The following ZNF605 variants were observed in gnomAD, a reference collection of about 807,000 sequenced individuals.
ZNF605 encodes zinc finger protein 605.
Under a neutral mutation model 7.9 loss-of-function variants are expected in ZNF605, and 9 were observed. The ratio of observed to expected loss-of-function variants is 1.14; its 90% CI spans 0.68 to 1.98. The LOEUF is 1.98. Ranked by LOEUF, ZNF605 falls within the 30% of genes most tolerant of loss-of-function variation. The pLI, the probability that ZNF605 is intolerant of heterozygous loss-of-function variation, is 0.00. For missense variants in ZNF605, 673 were observed against 762.4 expected (o/e 0.88, Z 1.38); for synonymous variants, 255 against 260.1 (o/e 0.98, Z 0.19).
chr12:132,946,121 C>T (rs1952492317), intron 2 of ZNF605, among the ~76,000 whole-genome samples: 1 of 152,176 alleles, frequency 6.6e-6, no homozygotes, highest in East Asian at 1.9e-4. Context: ...CTAGACTGCT[C>T]AGCACAGACA....
chr12:132,946,891 C>T (rs1324739304), intron 2 of ZNF605, among the ~76,000 whole-genome samples: 2 of 152,352 alleles, frequency 1.3e-5, no homozygotes, highest in South Asian at 2.1e-4. Context: ...GGGGGAGCAG[C>T]TGACACCCCG....
intron 2 of ZNF605, among the ~76,000 whole-genome samples, chr12:132,946,398 G>C (rs902615082): frequency 6.6e-6 from 1 of 152,220 alleles, no homozygotes; most frequent in South Asian, 2.1e-4. Flanking sequence ...GAGCTGAGGC[G>C]TGGGTCTGAG....
intron 3 of ZNF605, among the ~76,000 whole-genome samples, chr12:132,944,632 C>A (rs2137154585): frequency 6.6e-6 from 1 of 152,234 alleles, no homozygotes; most frequent in Admixed American, 6.5e-5. Context: ...CAACCAAGAC[C>A]CCATCTCAGT....
At chr12:132,934,180 G>A (rs1231020009) in intron 3 of ZNF605, among the ~76,000 whole-genome samples, 1 of 152,132 alleles carries the variant, frequency 6.6e-6, no homozygotes, top group Non-Finnish European at 1.5e-5. Flanking sequence ...CAGGGAGGCT[G>A]AGGCAGGAGA....
At chr12:132,955,975 C>A (rs12227098) in intron 1 of ZNF605, among the ~76,000 whole-genome samples, 20,122 of 143,916 alleles carry the variant, frequency 0.14, 2,546 homozygotes, top group East Asian at 0.52. Context: ...ACATTCAGCG[C>A]CCCGCCGCCG....
At chr12:132,932,494 C>T (rs1368429124) in intron 4 of ZNF605, among the ~76,000 whole-genome samples, 2 of 152,148 alleles carry the variant, frequency 1.3e-5, no homozygotes, top group African/African-American at 4.8e-5. Flanking sequence ...AAGAGGGATA[C>T]ATTTCATCAT....
chr12:132,920,374 C>G lies in ZNF605; in HGVS notation c.*4999G>C, dbSNP rs7980504. ...CAGGATGGTCTCGATCTCCTGACCTCGTGATCCACCCGCCTTGGCCTCCCA... is the reference window on the plus strand; with the variant it reads ...CAGGATGGTCTCGATCTCCTGACCTGGTGATCCACCCGCCTTGGCCTCCCA... On this transcript the variant is annotated 3_prime_UTR_variant, in exon 5 of 5. Coordinates refer to ENST00000360187, the MANE Select transcript of ZNF605 (RefSeq NM_183238.4). The G allele has an allele frequency of 6.7e-6, 1 of 150,230 alleles. No individual in the cohort carries two copies. Among genetic ancestry groups the G allele is most frequent in the Non-Finnish European group, 1.5e-5 (1 of 67,528 alleles). The allele number at this position is 150,230 out of a possible 1,614,324, so 9.3% of individuals were successfully genotyped here. A position where few individuals can be genotyped will look rare whatever the true frequency, so the allele number is the denominator to read the frequency against.
intron 1 of ZNF605, among the ~76,000 whole-genome samples, chr12:132,954,100 C>T (rs1164748395): frequency 6.6e-5 from 10 of 151,776 alleles, no homozygotes; most frequent in Non-Finnish European, 7.4e-5. Flanking sequence ...TCCACAGGCC[C>T]CCAGACACTT....
chr12:132,937,162 C>T (rs888479462), intron 3 of ZNF605, among the ~76,000 whole-genome samples: 2 of 152,006 alleles, frequency 1.3e-5, no homozygotes, highest in Admixed American at 6.6e-5. Context: ...AGTTCAAGAC[C>T]AGCCTGGCCA....
Position 132,926,475 on chromosome 12 carries a change from T to C in ZNF605, c.824A>G (p.His275Arg). Residue 275 changes from histidine (H) to arginine (R), a missense_variant, in exon 5 of 5, where the codon CAC becomes CGC. By Grantham distance (29) the His-to-Arg change is conservative (BLOSUM62 0). Coordinates refer to ENST00000360187, the MANE Select transcript of ZNF605 (RefSeq NM_183238.4). ...KSQLKRHQIT[H>R]TIEKPYSCSE... ...GCAACTGTAGGGTTTCTCTATTGTG[T>C]GCGTTATCTGATGTCTTTTAAGCTG... 6.2e-7 allele frequency: 1 copy of C among 1,614,220 alleles called. No individual in the cohort carries two copies. The highest frequency in any genetic ancestry group is 1.1e-5 in the South Asian group (1 of 91,086).
chr12:132,941,617 C>T lies in ZNF605; in HGVS notation c.15+4004G>A, dbSNP rs55653409. ...CAGGGTAACTGACTGTTGTAACGGA[C>T]AGCTTCGGTGGCTGCTGGGAGGGGA... On this transcript the variant is annotated intron_variant, in intron 3 of 4. Transcript: ENST00000360187. This position sits in a 1 kb window ranked among gnomAD's most constrained non-coding sequence, Gnocchi z 5.1. Among the ~76,000 whole-genome samples the T allele has an allele frequency of 0.25, 38,595 of 152,174 alleles. 5,245 individuals carry two copies. The highest frequency in any genetic ancestry group is 0.36 in the African/African-American group (14,751 of 41,500).
intron 4 of ZNF605, chr12:132,932,832 G>A (rs1952321388): frequency 4.0e-6 from 6 of 1,499,100 alleles, no homozygotes; most frequent in African/African-American, 1.4e-5. Flanking sequence ...CAGAGGACTT[G>A]GACCTAACTG....
chr12:132,940,001 A>G (rs1348429244), intron 3 of ZNF605, among the ~76,000 whole-genome samples: 2 of 151,836 alleles, frequency 1.3e-5, no homozygotes, highest in Non-Finnish European at 2.9e-5. Context: ...ACAGCTGAAC[A>G]TCAGAAGGGA....
In ZNF605 at chr12:132,939,433, A is replaced by G. The variant is rs1429334630; in HGVS notation, c.15+6188T>C. The stretch of plus-strand genomic sequence containing the variant: ...CTAGCTCAAGGTTTGTAAACACACC[A>G]ATCAGCACCCTGTGTTTTGCTCAAG... On this transcript the variant is annotated intron_variant, in intron 3 of 4. Transcript: ENST00000360187. 7.2e-5 allele frequency among the ~76,000 whole-genome samples: 11 copies of G among 152,274 alleles called. No homozygotes were observed. In the East Asian group the frequency reaches 2.1e-3, roughly 29 times the overall value.
At chr12:132,949,002 G>A (rs1952527404) in intron 1 of ZNF605, among the ~76,000 whole-genome samples, 2 of 152,148 alleles carry the variant, frequency 1.3e-5, no homozygotes, top group South Asian at 2.1e-4. Flanking sequence ...TGTAGCTCAC[G>A]CCTGCTTGGT....
intron 3 of ZNF605, among the ~76,000 whole-genome samples, chr12:132,940,219 C>T (rs1427415482): frequency 6.6e-6 from 1 of 152,088 alleles, no homozygotes. Context: ...ATAGTGGCGG[C>T]CAGGGATAAG....
chr12:132,927,975 A>G (rs1952265775), intron 4 of ZNF605, among the ~76,000 whole-genome samples: 1 of 152,172 alleles, frequency 6.6e-6, no homozygotes, highest in Admixed American at 6.5e-5. Context: ...ACTTTTAAAT[A>G]AGGAAATATT....
At chr12:132,951,584 C>G (rs1398424144) in intron 1 of ZNF605, among the ~76,000 whole-genome samples, 1 of 151,704 alleles carries the variant, frequency 6.6e-6, no homozygotes, top group Non-Finnish European at 1.5e-5. Flanking sequence ...TACACACAGA[C>G]ATGCACACAC....
intron 3 of ZNF605, among the ~76,000 whole-genome samples, chr12:132,938,158 T>C (rs1952387852): frequency 6.6e-6 from 1 of 151,884 alleles, no homozygotes; most frequent in South Asian, 2.1e-4. Flanking sequence ...CTTTTTGTAT[T>C]TTTAGTAGAG....
Sources: gnomAD v4.1 joint callset for allele counts (sites outside exome capture counted in the v4.1 genomes callset) on GRCh38, gnomAD v4.1.1 for gene constraint, Gnocchi (gnomAD v3.1) non-coding constraint, MANE v1.5 for transcripts, NCBI Gene and HGNC (gene_info 2026-07-23, HGNC 2026-07-21) for gene names.